MAP4K4: variants seen among roughly 807,000 people sequenced by gnomAD.
MAP4K4 encodes HPK/GCK-like kinase HGK.
Under a neutral mutation model 189.6 loss-of-function variants are expected in MAP4K4, and 38 were observed. That is an observed-to-expected ratio of 0.20 (90% confidence interval 0.15 to 0.26). The LOEUF (loss-of-function observed/expected upper bound fraction) is 0.26, where lower values mean the gene tolerates loss of function less well. Among genes scored for constraint, MAP4K4 ranks in the 10% least tolerant of loss-of-function variants. The pLI is 1.00. For missense variants in MAP4K4, 1,054 were observed against 1,726.9 expected (o/e 0.61, Z 6.91); for synonymous variants, 610 against 624.3 (o/e 0.98, Z 0.34).
At chr2:101,856,861 T>G (rs1012497285) in intron 13 of MAP4K4, among the ~76,000 whole-genome samples, 2 of 152,232 alleles carry the variant, frequency 1.3e-5, no homozygotes, top group African/African-American at 4.8e-5. Context: ...TATCTGTATT[T>G]TAAACTTATA....
At chr2:101,845,194 A>T (rs969939146) in intron 12 of MAP4K4, among the ~76,000 whole-genome samples, 4 of 151,868 alleles carry the variant, frequency 2.6e-5, no homozygotes, top group Admixed American at 6.6e-5. Context: ...AAAATAAAAA[A>T]AAAAACCGAA....
intron 2 of MAP4K4, among the ~76,000 whole-genome samples, chr2:101,756,910 A>G (rs2073155927): frequency 6.6e-6 from 1 of 152,056 alleles, no homozygotes; most frequent in African/African-American, 2.4e-5. Context: ...CATCACTTAT[A>G]AATAAATTAC....
At chr2:101,818,761 A>C (rs1236575785) in intron 3 of MAP4K4, among the ~76,000 whole-genome samples, 1 of 151,876 alleles carries the variant, frequency 6.6e-6, no homozygotes, top group East Asian at 1.9e-4. Flanking sequence ...GCAACTAAAA[A>C]CTCATCTCCT....
At chr2:101,836,625 G>A (rs2096763631) in intron 9 of MAP4K4, among the ~76,000 whole-genome samples, 1 of 151,972 alleles carries the variant, frequency 6.6e-6, no homozygotes, top group South Asian at 2.1e-4. Context: ...GTGTTGACTT[G>A]CATTTCCTCA....
At chr2:101,831,635 C>G in intron 6 of MAP4K4, 86 bp from the exon 7 acceptor site, 1 of 1,395,086 alleles carries the variant, frequency 7.2e-7, no homozygotes, top group South Asian at 1.2e-5. Flanking sequence ...ACTATGAAGA[C>G]ATTTCCTCCT....
chr2:101,865,125 C>A, intron 18 of MAP4K4, 89 bp downstream of exon 18: 1 of 785,318 alleles, frequency 1.3e-6, no homozygotes, highest in Non-Finnish European at 2.0e-6. Context: ...CTCTTAAACA[C>A]AGACGTTCTG....
At chr2:101,785,643 G>A (rs548022767) in intron 2 of MAP4K4, among the ~76,000 whole-genome samples, 1 of 147,790 alleles carries the variant, frequency 6.8e-6, no homozygotes, top group Non-Finnish European at 1.5e-5. Context: ...TGAGAAGATA[G>A]GAACATTGCC....
intron 6 of MAP4K4, among the ~76,000 whole-genome samples, chr2:101,830,430 A>G (rs983308248): frequency 6.6e-6 from 1 of 152,146 alleles, no homozygotes; most frequent in Non-Finnish European, 1.5e-5. Flanking sequence ...CTTTCATCTA[A>G]GTGTTGTATC....
chr2:101,837,244 A>T (rs556518183), intron 9 of MAP4K4, among the ~76,000 whole-genome samples: 1 of 150,942 alleles, frequency 6.6e-6, no homozygotes, highest in South Asian at 2.1e-4. Context: ...GTTCCTGTTT[A>T]TGCTTTTTTT....
intron 2 of MAP4K4, among the ~76,000 whole-genome samples, chr2:101,768,868 C>T (rs17026023): frequency 0.02 from 3,121 of 152,250 alleles, 121 homozygotes; most frequent in African/African-American, 0.071. Flanking sequence ...TTATTTGCTC[C>T]GTGGTGAAAA....
chr2:101,817,070 G>A (rs1345522421), intron 3 of MAP4K4, among the ~76,000 whole-genome samples: 1 of 151,782 alleles, frequency 6.6e-6, no homozygotes, highest in Non-Finnish European at 1.5e-5. Flanking sequence ...ATAATCTAGA[G>A]GTAATATTTG....
chr2:101,853,580 A>G (rs1446505072), intron 12 of MAP4K4, among the ~76,000 whole-genome samples: 1 of 152,178 alleles, frequency 6.6e-6, no homozygotes, highest in Non-Finnish European at 1.5e-5. Flanking sequence ...AATACTACAG[A>G]AAGAACATAC....
exon 30 of MAP4K4, chr2:101,887,172 T>C (rs1184711697): frequency 6.2e-7 from 1 of 1,612,092 alleles, no homozygotes; most frequent in East Asian, 2.2e-5. Flanking sequence ...CTATGGATCC[T>C]GTGCTGGATT....
At chr2:101,881,398 G>A (rs1196616717) in intron 27 of MAP4K4, among the ~76,000 whole-genome samples, 1 of 152,076 alleles carries the variant, frequency 6.6e-6, no homozygotes, top group Non-Finnish European at 1.5e-5. Context: ...TTTTTGGTTG[G>A]TTGGTTGGTT....
chr2:101,750,357 G>T (rs1012957803), intron 2 of MAP4K4, among the ~76,000 whole-genome samples: 3 of 136,872 alleles, frequency 2.2e-5, no homozygotes, highest in South Asian at 5.2e-4. Flanking sequence ...CATGTCCTTT[G>T]TAGGGACATG....
chr2:101,717,554 A>T (rs1435085075), intron 2 of MAP4K4, among the ~76,000 whole-genome samples: 1 of 152,216 alleles, frequency 6.6e-6, no homozygotes, highest in Non-Finnish European at 1.5e-5. Flanking sequence ...TATTTTAAAA[A>T]ATCATAGACT....
chr2:101,848,413 A>G (rs1449584260), intron 12 of MAP4K4, among the ~76,000 whole-genome samples: 1 of 152,238 alleles, frequency 6.6e-6, no homozygotes, highest in Non-Finnish European at 1.5e-5. Context: ...TATTGGCATT[A>G]AGGATTTAGT....
chr2:101,730,865 G>C (rs2058134880), intron 2 of MAP4K4, among the ~76,000 whole-genome samples: 1 of 151,880 alleles, frequency 6.6e-6, no homozygotes, highest in Non-Finnish European at 1.5e-5. Flanking sequence ...GGCTAACACA[G>C]TGAAACCCCA....
chr2:101,870,522 G>A, intron 23 of MAP4K4, 107 bp downstream of exon 23: 1 of 1,470,976 alleles, frequency 6.8e-7, no homozygotes, highest in South Asian at 1.3e-5. Flanking sequence ...CTGTTTTCAT[G>A]TTAACAAGTC....
Sources: allele counts gnomAD v4.1 joint callset (sites outside exome capture counted in the v4.1 genomes callset), GRCh38; gene constraint gnomAD v4.1.1; transcripts MANE v1.5; gene names NCBI Gene and HGNC (gene_info 2026-07-23, HGNC 2026-07-21).